Variants in COMMD7 observed in about 807,000 individuals in gnomAD.
COMMD7 encodes COMM domain containing 7.
A neutral mutation model predicts 34.8 loss-of-function variants in COMMD7; 28 were observed. The observed-to-expected ratio is 0.80, with a 90% confidence interval of 0.60 to 1.10. The LOEUF (loss-of-function observed/expected upper bound fraction) is 1.10, where lower values mean the gene tolerates loss of function less well. Ranked by LOEUF, COMMD7 falls within the 50% of genes least tolerant of loss-of-function variation. The pLI, the probability that COMMD7 is intolerant of heterozygous loss-of-function variation, is 0.00. For synonymous variants in COMMD7, 80 were observed against 86.4 expected, an observed-to-expected ratio of 0.93 and a Z score of 0.41; for missense variants, 211 against 241.6, an observed-to-expected ratio of 0.87 and a Z score of 0.84.
chr20:32,717,817 A>T (rs1001239931), intron 3 of COMMD7, among the ~76,000 whole-genome samples: 14 of 151,962 alleles, frequency 9.2e-5, no homozygotes, highest in Admixed American at 1.3e-4. Context: ...AACATTTTTT[A>T]AAAAAGGCAA....
chr20:32,741,780 T>C (rs1040545020), intron 1 of COMMD7, among the ~76,000 whole-genome samples: 2 of 152,236 alleles, frequency 1.3e-5, no homozygotes, highest in African/African-American at 4.8e-5. Flanking sequence ...CAGTTGCCTA[T>C]GGTATTCAGT....
chr20:32,715,486 A>AAAAC (rs60702111), intron 3 of COMMD7, among the ~76,000 whole-genome samples: 103,172 of 149,916 alleles, frequency 0.69, 36,215 homozygotes, highest in Middle Eastern at 0.82. Flanking sequence ...CAGTCTCAAA[A>AAAAC]AAACAAACAA....
chr20:32,737,609 C>CTGAGGTGGGAGG (rs1986209878), intron 1 of COMMD7, among the ~76,000 whole-genome samples: 1 of 125,454 alleles, frequency 8.0e-6, no homozygotes, highest in Non-Finnish European at 1.8e-5. Flanking sequence ...TGGGAGGATC[C>CTGAGGTGGGAGG]CTTAAGGCCA....
At chr20:32,709,403 A>G (rs1395873277) in intron 3 of COMMD7, among the ~76,000 whole-genome samples, 1 of 150,650 alleles carries the variant, frequency 6.6e-6, no homozygotes, top group Non-Finnish European at 1.5e-5. Context: ...CTGTCTCAAA[A>G]AAAAAAAAAA....
intron 7 of COMMD7, 60 bp downstream of exon 7, chr20:32,704,380 G>T: frequency 1.1e-6 from 1 of 902,250 alleles, no homozygotes; most frequent in Non-Finnish European, 1.6e-6. Context: ...ACCCAATGTA[G>T]ATATAATTTT....
Position 32,740,880 on chromosome 20 carries a change from C to T in COMMD7, c.84+2428G>A, listed in dbSNP as rs555092447. Among the ~76,000 whole-genome samples, 12 of 151,292 alleles carry T rather than the reference C, an allele frequency of 7.9e-5. No homozygotes were observed. The East Asian group carries it at 1.8e-3, about 22-fold the overall frequency. On this transcript the variant is annotated intron_variant, in intron 1 of 8. Coordinates refer to ENST00000278980, the MANE Select transcript of COMMD7 (RefSeq NM_053041.3). Reference sequence around the variant, plus strand: ...TACAGTTGGCAGGGTGCATGGCTTACGCCTGTAATCCCAGCACTTTGGGAG... The same window carrying T: ...TACAGTTGGCAGGGTGCATGGCTTATGCCTGTAATCCCAGCACTTTGGGAG...
Position 32,739,628 on chromosome 20 carries a change from G to C in COMMD7, c.84+3680C>G, listed in dbSNP as rs183391899. On this transcript the variant is annotated intron_variant, in intron 1 of 8. Coordinates refer to ENST00000278980, the MANE Select transcript of COMMD7 (RefSeq NM_053041.3). ...CCACTGTACTCCAGCCTCGGTGACA[G>C]AGCAAGGCTCTGTATCAAAAAAAAA... Among the ~76,000 whole-genome samples the C allele has an allele frequency of 1.3e-4, 13 of 101,634 alleles. 1 individual carries two copies. The highest frequency in any genetic ancestry group is 1.0e-3 in the Admixed American group (10 of 9,842). The allele number at this position is 101,634 out of a possible 152,430, so 66.7% of individuals were successfully genotyped here.
At chr20:32,725,520 C>T (rs1985457459) in intron 3 of COMMD7, among the ~76,000 whole-genome samples, 1 of 150,976 alleles carries the variant, frequency 6.6e-6, no homozygotes, top group Admixed American at 6.6e-5. Context: ...ACTCCGCCTC[C>T]CGGGATCACG....
In COMMD7 at chr20:32,724,951, TAAAAAAAAAAAA is replaced by T. The variant is rs1175774267; in HGVS notation, c.241+2930_241+2941del. On this transcript the variant is annotated intron_variant, in intron 3 of 8. Coordinates refer to ENST00000278980, the MANE Select transcript of COMMD7 (RefSeq NM_053041.3). ...AGAATTATCAATAAAAAAATAAATT[TAAAAAAAAAAAA>T]AAAAAAAAAAAGACTTGTGGTTCTG... Among the ~76,000 whole-genome samples, 19 of 13,888 alleles carry T rather than the reference TAAAAAAAAAAAA, an allele frequency of 1.4e-3. 8 individuals carry two copies. The highest frequency in any genetic ancestry group is 4.1e-3 in the Non-Finnish European group (19 of 4,582). 9.1% of individuals were successfully genotyped at this position (13,888 alleles called of 152,430 possible).
chr20:32,716,857 A>G (rs938290585), intron 3 of COMMD7, among the ~76,000 whole-genome samples: 2 of 137,688 alleles, frequency 1.5e-5, no homozygotes, highest in Non-Finnish European at 3.3e-5. Flanking sequence ...ATGGGTTAGT[A>G]ACTTTTTTTT....
intron 3 of COMMD7, among the ~76,000 whole-genome samples, chr20:32,725,426 G>A (rs367695031): frequency 2.2e-5 from 2 of 89,562 alleles, no homozygotes; most frequent in Admixed American, 1.0e-4. Flanking sequence ...TCTATACTGT[G>A]TTTTGTTTTT....
At chr20:32,738,896 A>G (rs911358630) in intron 1 of COMMD7, among the ~76,000 whole-genome samples, 7 of 151,382 alleles carry the variant, frequency 4.6e-5, no homozygotes, top group Non-Finnish European at 1.0e-4. Context: ...ATGCCTGGCT[A>G]ATTTTTTATC....
chr20:32,730,768 A>G (rs1985791145), intron 1 of COMMD7, among the ~76,000 whole-genome samples: 1 of 152,162 alleles, frequency 6.6e-6, no homozygotes, highest in African/African-American at 2.4e-5. Context: ...ACAGTAACAC[A>G]TGCAGAGCCT....
intron 1 of COMMD7, among the ~76,000 whole-genome samples, chr20:32,732,093 A>G (rs1422773189): frequency 2.0e-5 from 3 of 152,024 alleles, no homozygotes; most frequent in Admixed American, 6.6e-5. Flanking sequence ...TCTAACTTGT[A>G]TTTTTTTGAG....
rs995183318 is a variant in COMMD7 at position 32,740,040 on chromosome 20, G to A, written c.84+3268C>T. Reference sequence around the variant, plus strand: ...GTCTTTAAAAAGAAAAGGGCTGGCCGGATGCGGTGGCTCACACCTGTAATC... The same window carrying A: ...GTCTTTAAAAAGAAAAGGGCTGGCCAGATGCGGTGGCTCACACCTGTAATC... On this transcript the variant is annotated intron_variant, in intron 1 of 8. Transcript: ENST00000278980. Among the ~76,000 whole-genome samples, 6 of 140,078 alleles carry A rather than the reference G, an allele frequency of 4.3e-5. 1 individual carries two copies. The highest frequency in any genetic ancestry group is 8.1e-5 in the African/African-American group (3 of 37,006). 91.9% of individuals were successfully genotyped at this position (140,078 alleles called of 152,430 possible).
At chr20:32,703,895 G>A in intron 8 of COMMD7, 128 bp downstream of exon 8, 2 of 1,560,710 alleles carry the variant, frequency 1.3e-6, no homozygotes, top group South Asian at 1.2e-5. Context: ...GAAAGGCAGT[G>A]GAACAGCTAC....
intron 1 of COMMD7, among the ~76,000 whole-genome samples, chr20:32,729,597 A>G (rs1985719800): frequency 6.9e-6 from 1 of 144,060 alleles, no homozygotes; most frequent in South Asian, 2.3e-4. Flanking sequence ...CCTGGGCAAC[A>G]CAGCAAGACC....
intron 1 of COMMD7, among the ~76,000 whole-genome samples, chr20:32,735,107 G>T (rs1284533953): frequency 7.0e-6 from 1 of 143,048 alleles, no homozygotes; most frequent in African/African-American, 2.6e-5. Flanking sequence ...GCATAATGGT[G>T]AGCACCTGTA....
At chr20:32,707,305 A>ATATC (rs1984157268) in intron 3 of COMMD7, among the ~76,000 whole-genome samples, 1 of 137,392 alleles carries the variant, frequency 7.3e-6, no homozygotes, top group Admixed American at 7.6e-5. Context: ...ATATATATAT[A>ATATC]TATACTTATC....
Sources: allele counts gnomAD v4.1 joint callset (sites outside exome capture counted in the v4.1 genomes callset), GRCh38; gene constraint gnomAD v4.1.1; transcripts MANE v1.5; gene names NCBI Gene and HGNC (gene_info 2026-07-23, HGNC 2026-07-21).